KANSL1: variants seen among roughly 807,000 people sequenced by gnomAD.
The protein encoded by KANSL1 is MLL1/MLL complex subunit KANSL1.
A neutral mutation model predicts 103.6 loss-of-function variants in KANSL1; 22 were observed. That is an observed-to-expected ratio of 0.21 (90% CI 0.15 to 0.30). The LOEUF (loss-of-function observed/expected upper bound fraction) is 0.30. KANSL1 is among the 10% of genes least tolerant of loss of function. The pLI is 1.00. For missense variants in KANSL1, 1,337 were observed against 1,399.8 expected (o/e 0.96, Z 0.72); for synonymous variants, 600 against 527.6 (o/e 1.14, Z -1.88).
intron 1 of KANSL1, among the ~76,000 whole-genome samples, chr17:46,212,845 G>A (rs1352631852): frequency 3.9e-5 from 6 of 152,132 alleles, no homozygotes; most frequent in African/African-American, 1.2e-4. Flanking sequence ...CACCACCTTC[G>A]ACAGCACAGT....
At chr17:46,049,678 T>A (rs2077643068) in intron 7 of KANSL1, 1 of 151,910 alleles carries the variant, frequency 6.6e-6, no homozygotes, top group South Asian at 2.1e-4. Flanking sequence ...AAAGGAATGC[T>A]CTTCTTTTGT....
At chr17:46,089,269 T>A (rs1256726934) in intron 3 of KANSL1, among the ~76,000 whole-genome samples, 1 of 152,160 alleles carries the variant, frequency 6.6e-6, no homozygotes, top group Non-Finnish European at 1.5e-5. Flanking sequence ...TTATATTCTT[T>A]CTCCAGAGAG....
At chr17:46,147,876 C>T (rs1333731859) in intron 2 of KANSL1, among the ~76,000 whole-genome samples, 4 of 152,152 alleles carry the variant, frequency 2.6e-5, no homozygotes, top group African/African-American at 4.8e-5. Flanking sequence ...GCTTAGGAAT[C>T]TGAATTTTTA....
chr17:46,141,118 G>T lies in KANSL1; in HGVS notation c.1289+29737C>A, dbSNP rs980578566. Among the ~76,000 whole-genome samples, 4 of 151,726 alleles carry T rather than the reference G, an allele frequency of 2.6e-5. No individual in the cohort carries two copies. In the South Asian group the frequency reaches 8.3e-4, roughly 31 times the overall value. Reference sequence around the variant, plus strand: ...TACTCAACAATTAACTAAAGTACTTGTATTTCTCTTTACAAAACTAAGTTA... The same window carrying T: ...TACTCAACAATTAACTAAAGTACTTTTATTTCTCTTTACAAAACTAAGTTA... On this transcript the variant is annotated intron_variant, in intron 2 of 14. Transcript: ENST00000432791.
At chr17:46,214,919 ATTAT>A (rs2048293873) in intron 1 of KANSL1, among the ~76,000 whole-genome samples, 1 of 152,266 alleles carries the variant, frequency 6.6e-6, no homozygotes. Context: ...CATTCCTTTG[ATTAT>A]TTATCAGAAT....
At chr17:46,061,515 A>C (rs564192400) in intron 6 of KANSL1, among the ~76,000 whole-genome samples, 2 of 152,242 alleles carry the variant, frequency 1.3e-5, no homozygotes, top group South Asian at 4.1e-4. Context: ...AGACCCCTAA[A>C]GTGATGAAAC....
intron 1 of KANSL1, among the ~76,000 whole-genome samples, chr17:46,187,142 A>G: frequency 6.6e-6 from 1 of 152,302 alleles, no homozygotes; most frequent in Middle Eastern, 3.4e-3. Flanking sequence ...GGTGCTAACA[A>G]ACAGTCACAA....
chr17:46,220,630 C>A (rs921483230), intron 1 of KANSL1, among the ~76,000 whole-genome samples: 1 of 152,270 alleles, frequency 6.6e-6, no homozygotes, highest in Admixed American at 6.5e-5. Context: ...CTGAACAATT[C>A]CTAGACCTAA....
intron 1 of KANSL1, among the ~76,000 whole-genome samples, chr17:46,177,385 C>A (rs2046572076): frequency 6.6e-6 from 1 of 152,224 alleles, no homozygotes; most frequent in African/African-American, 2.4e-5. Flanking sequence ...GTACTTTAAT[C>A]TTTTCCCTGT....
Position 46,135,650 on chromosome 17 carries a change from G to A in KANSL1, c.1289+35205C>T, listed in dbSNP as rs185221018. Among the ~76,000 whole-genome samples the A allele has an allele frequency of 7.6e-5, 11 of 145,296 alleles. No individual in the cohort carries two copies. In the East Asian group the frequency reaches 1.6e-3, roughly 22 times the overall value. On this transcript the variant is annotated intron_variant, in intron 2 of 14. Transcript: ENST00000432791. ...GCCTTGACTTTACTGGCTCAAGCGA[G>A]CCTCCCAAGTAGCTGGGACTACAGG... is the stretch of plus-strand genomic sequence containing the variant.
rs185310013 is a variant in KANSL1 at position 46,115,350 on chromosome 17, G to A, written c.1290-20649C>T. On this transcript the variant is annotated intron_variant, in intron 2 of 14. Transcript: ENST00000432791. ...ACTGGGACTACAGACGTGAGCCACC[G>A]TGTCCAGCCTGTAAAGCAAGAATTT... 5.0e-3 allele frequency among the ~76,000 whole-genome samples: 757 copies of A among 152,130 alleles called. 1 individual carries two copies. Among genetic ancestry groups the A allele is most frequent in the Non-Finnish European group, 7.4e-3 (501 of 68,002 alleles).
intron 2 of KANSL1, among the ~76,000 whole-genome samples, chr17:46,168,265 AC>A (rs1413710725): frequency 6.6e-6 from 1 of 152,230 alleles, no homozygotes; most frequent in Non-Finnish European, 1.5e-5. Context: ...CTAAATAAAT[AC>A]CAGCCTTAAG....
intron 2 of KANSL1, among the ~76,000 whole-genome samples, chr17:46,130,341 C>T (rs751291260): frequency 1.8e-4 from 28 of 152,030 alleles, no homozygotes; most frequent in Non-Finnish European, 3.5e-4. Context: ...AATGTGCAGC[C>T]CAAGTTGAGA....
chr17:46,105,947 A>ACACCCCCCCC (rs1396276906), intron 2 of KANSL1, among the ~76,000 whole-genome samples: 1 of 57,780 alleles, frequency 1.7e-5, no homozygotes, highest in Non-Finnish European at 4.2e-5. Context: ...ACACACACAC[A>ACACCCCCCCC]CCCCCCCAGA....
chr17:46,196,855 C>G (rs563911986), upstream of KANSL1: 2 of 177,084 alleles, frequency 1.1e-5, no homozygotes, highest in Admixed American at 1.2e-4. Context: ...ACCTATAATC[C>G]CAGCACTTTG....
intron 2 of KANSL1, among the ~76,000 whole-genome samples, chr17:46,155,470 T>G (rs1449019279): frequency 6.6e-6 from 1 of 152,218 alleles, no homozygotes; most frequent in East Asian, 1.9e-4. Flanking sequence ...GGGGATTATT[T>G]TGACCTTACC....
chr17:46,160,331 T>C (rs1386728887), intron 2 of KANSL1, among the ~76,000 whole-genome samples: 1 of 152,156 alleles, frequency 6.6e-6, no homozygotes, highest in Admixed American at 6.5e-5. Flanking sequence ...AAGGTCTCAC[T>C]CTGCTGCTCA....
chr17:46,157,694 A>G lies in KANSL1; in HGVS notation c.1289+13161T>C, dbSNP rs149084624. 5.3e-5 allele frequency among the ~76,000 whole-genome samples: 8 copies of G among 152,340 alleles called. No individual in the cohort carries two copies. In the East Asian group the frequency reaches 1.5e-3, roughly 29 times the overall value. ...CTAAATTAGCTTTTCTACTTACACT[A>G]TCAAGTCAAATTACTTCTGGTAATG... On this transcript the variant is annotated intron_variant, in intron 2 of 14. Transcript: ENST00000432791.
intron 1 of KANSL1, among the ~76,000 whole-genome samples, chr17:46,176,351 C>A (rs916792403): frequency 5.3e-5 from 8 of 152,368 alleles, no homozygotes; most frequent in African/African-American, 1.9e-4. Flanking sequence ...TGAGATTATT[C>A]AATTCTTTAA....
Sources: allele counts gnomAD v4.1 joint callset (sites outside exome capture counted in the v4.1 genomes callset), GRCh38; gene constraint gnomAD v4.1.1; transcripts MANE v1.5; gene names NCBI Gene and HGNC (gene_info 2026-07-23, HGNC 2026-07-21).